PRKCE: variants seen among roughly 807,000 people sequenced by gnomAD.
PRKCE encodes protein kinase C epsilon type.
Under a neutral mutation model 85.4 loss-of-function variants are expected in PRKCE, and 16 were observed. That is an observed-to-expected ratio of 0.19 (90% CI 0.13 to 0.28). The LOEUF is 0.28. PRKCE is among the 10% of genes least tolerant of loss of function. The pLI is 1.00. For synonymous variants in PRKCE, 388 were observed against 371.5 expected, an observed-to-expected ratio of 1.04 and a Z score of -0.51; for missense variants, 573 against 975.2, an observed-to-expected ratio of 0.59 and a Z score of 5.49.
chr2:45,855,095 C>CA (rs1692571628), intron 2 of PRKCE, among the ~76,000 whole-genome samples: 1 of 151,588 alleles, frequency 6.6e-6, no homozygotes, highest in African/African-American at 2.4e-5. Flanking sequence ...TGGATAATTG[C>CA]AGTTCTTTTT....
rs75975388 is a variant in PRKCE, at chr2:45,959,731, G to A, written c.413-16698G>A. Reference sequence around the variant, plus strand: ...CCTGTGTGATGATTATATTTGCTCCGGAATCATCTAACTTACCCTCTTACC... The same window carrying A: ...CCTGTGTGATGATTATATTTGCTCCAGAATCATCTAACTTACCCTCTTACC... On this transcript the variant is annotated intron_variant, in intron 2 of 14. Transcript: ENST00000306156. Among the ~76,000 whole-genome samples, 631 of 152,172 alleles carry A rather than the reference G, an allele frequency of 4.1e-3. 2 individuals carry two copies. The highest frequency in any genetic ancestry group is 0.014 in the African/African-American group (600 of 41,524).
intron 14 of PRKCE, among the ~76,000 whole-genome samples, chr2:46,164,436 C>T (rs1419810234): frequency 6.6e-6 from 1 of 152,224 alleles, no homozygotes; most frequent in Non-Finnish European, 1.5e-5. Context: ...GTGCCTGAAG[C>T]CCCTGAGGGA....
intron 10 of PRKCE, among the ~76,000 whole-genome samples, chr2:46,067,321 G>T (rs1183977960): frequency 1.3e-5 from 2 of 152,164 alleles, no homozygotes; most frequent in Admixed American, 1.3e-4. Flanking sequence ...AAACAGTTTG[G>T]ATTAATAGGA....
intron 10 of PRKCE, among the ~76,000 whole-genome samples, chr2:46,065,078 G>C (rs991703437): frequency 1.3e-5 from 2 of 152,144 alleles, no homozygotes; most frequent in Non-Finnish European, 2.9e-5. Flanking sequence ...ACACTTCAGC[G>C]CTGGCATCAC....
chr2:45,851,495 A>C (rs1257756045), intron 2 of PRKCE, among the ~76,000 whole-genome samples: 2 of 152,216 alleles, frequency 1.3e-5, no homozygotes, highest in African/African-American at 2.4e-5. Context: ...GCAAGGATAC[A>C]CAGCAGATTG....
chr2:45,801,302 A>G (rs780095561), intron 1 of PRKCE, among the ~76,000 whole-genome samples: 2 of 152,172 alleles, frequency 1.3e-5, no homozygotes, highest in Non-Finnish European at 2.9e-5. Context: ...TTAGTGCCTT[A>G]TTAGAGGTTG....
chr2:45,891,086 G>A (rs142649558), intron 2 of PRKCE, among the ~76,000 whole-genome samples: 3 of 152,290 alleles, frequency 2.0e-5, no homozygotes, highest in Non-Finnish European at 4.4e-5. Flanking sequence ...TGATATTGTG[G>A]TTAGTCAGTT....
At chr2:46,114,655 G>A (rs112833568) in intron 11 of PRKCE, among the ~76,000 whole-genome samples, 17 of 151,552 alleles carry the variant, frequency 1.1e-4, no homozygotes, top group African/African-American at 1.7e-4. Flanking sequence ...TCCTGACCTC[G>A]TAATCCGCCC....
chr2:45,751,942 C>G (rs1683606433), intron 1 of PRKCE, among the ~76,000 whole-genome samples: 1 of 147,484 alleles, frequency 6.8e-6, no homozygotes, highest in Admixed American at 6.8e-5. Context: ...CTCAGCCTCC[C>G]AAGTAGCTGG....
At chr2:45,967,982 G>T (rs1339196279) in intron 2 of PRKCE, among the ~76,000 whole-genome samples, 1 of 152,160 alleles carries the variant, frequency 6.6e-6, no homozygotes, top group Non-Finnish European at 1.5e-5. Flanking sequence ...CCTGCCTGGG[G>T]AAAGATCCCT....
chr2:46,073,172 C>G (rs1355131065), intron 10 of PRKCE, among the ~76,000 whole-genome samples: 1 of 152,166 alleles, frequency 6.6e-6, no homozygotes, highest in Non-Finnish European at 1.5e-5. Flanking sequence ...AAGTGAACAT[C>G]CAGCCGAGGC....
chr2:45,817,405 A>G (rs887799112), intron 1 of PRKCE, among the ~76,000 whole-genome samples: 1 of 152,190 alleles, frequency 6.6e-6, no homozygotes, highest in African/African-American at 2.4e-5. Flanking sequence ...CTTTAAAAAA[A>G]CTTTCCGGCT....
At chr2:45,746,856 C>T (rs775481818) in intron 1 of PRKCE, among the ~76,000 whole-genome samples, 1 of 152,210 alleles carries the variant, frequency 6.6e-6, no homozygotes, top group Non-Finnish European at 1.5e-5. Context: ...GTCTCAGGAA[C>T]ATGTCATTGC....
At chr2:45,961,992 G>C (rs1387759422) in intron 2 of PRKCE, among the ~76,000 whole-genome samples, 1 of 152,174 alleles carries the variant, frequency 6.6e-6, no homozygotes, top group Non-Finnish European at 1.5e-5. Flanking sequence ...ACCGCGCCCG[G>C]CTGCCAGGGA....
At position 46,071,778 on chromosome 2, in the gene PRKCE, T is replaced by C. The variant is rs139763825; in HGVS notation, c.1438-14430T>C. 2.9e-3 allele frequency among the ~76,000 whole-genome samples: 436 copies of C among 152,338 alleles called. 5 individuals are homozygous for C. The highest frequency in any genetic ancestry group is 9.7e-3 in the African/African-American group (402 of 41,572). On this transcript the variant is annotated intron_variant, in intron 10 of 14. Transcript: ENST00000306156. ...TCCTATCTGCATTGTCAGCCATCAG[T>C]CTAAATCAAAGCTTCCACCCAGTCC...
At chr2:45,716,638 G>A (rs1353269703) in intron 1 of PRKCE, among the ~76,000 whole-genome samples, 1 of 146,160 alleles carries the variant, frequency 6.8e-6, no homozygotes, top group Admixed American at 7.1e-5. Context: ...AGGAGAAGAA[G>A]AAGAAGAAGA....
chr2:46,142,794 A>C (rs1558497982), intron 11 of PRKCE, among the ~76,000 whole-genome samples: 1 of 152,262 alleles, frequency 6.6e-6, no homozygotes, highest in Non-Finnish European at 1.5e-5. Context: ...TGGGCAGAAG[A>C]AAAGGCGGAG....
intron 2 of PRKCE, among the ~76,000 whole-genome samples, chr2:45,872,929 C>G (rs891256964): frequency 6.6e-6 from 1 of 152,128 alleles, no homozygotes; most frequent in African/African-American, 2.4e-5. Context: ...TCAAGGAGAG[C>G]ATGACACCTG....
At chr2:45,952,735 G>A (rs975708052) in intron 2 of PRKCE, among the ~76,000 whole-genome samples, 1 of 152,164 alleles carries the variant, frequency 6.6e-6, no homozygotes. Context: ...TTGATTGATG[G>A]GAGGGCCATT....
Sources: gnomAD v4.1 joint callset for allele counts (sites outside exome capture counted in the v4.1 genomes callset) on GRCh38, gnomAD v4.1.1 for gene constraint, MANE v1.5 for transcripts, NCBI Gene and HGNC (gene_info 2026-07-23, HGNC 2026-07-21) for gene names.